Variants in ACAN observed in about 807,000 individuals in gnomAD.
The protein encoded by ACAN is aggrecan, also known as aggrecan core protein.
In ACAN, 47 loss-of-function variants were observed where a neutral mutation model predicts 169.1. The observed-to-expected ratio is 0.28, with a 90% CI of 0.22 to 0.35. ACAN has a LOEUF of 0.35. Among genes scored for constraint, ACAN ranks in the 10% least tolerant of loss-of-function variants. The probability of loss-of-function intolerance (pLI) is 1.00; values close to 1 mark genes in which losing one functional copy is unlikely to be tolerated. For missense variants in ACAN, 2,716 were observed against 2,759.9 expected, an observed-to-expected ratio of 0.98 and a Z score of 0.36; for synonymous variants, 1,115 against 1,112.2, an observed-to-expected ratio of 1.00 and a Z score of -0.05.
chr15:88,837,920 T>A (rs1431308375), intron 2 of ACAN, among the ~76,000 whole-genome samples: 1 of 133,380 alleles, frequency 7.5e-6, no homozygotes, highest in East Asian at 2.0e-4. Context: ...GTTTTTTTTC[T>A]TTTTTTTTTT....
chr15:88,869,712 A>G lies in ACAN; in HGVS notation c.7060+1383A>G, dbSNP rs1897338229. Among the ~76,000 whole-genome samples the G allele has an allele frequency of 6.6e-6, 1 of 152,144 alleles. No individual in the cohort carries two copies. Among genetic ancestry groups the G allele is most frequent in the Admixed American group, 6.6e-5 (1 of 15,264 alleles). On this transcript the variant is annotated intron_variant, in intron 14 of 18. Coordinates refer to ENST00000560601, the MANE Select transcript of ACAN (RefSeq NM_001369268.1). The surrounding 1 kb of genome is among the most constrained non-coding windows in gnomAD (Gnocchi z 4.2). ...ACCCTGATGGGGCAGAGAGATGGTG[A>G]CAGAGCCACCCAGCTCGGCCCTGGG...
Position 88,868,453 on chromosome 15 carries a change from C to A in ACAN, c.7060+124C>A. On this transcript the variant is annotated intron_variant, in intron 14 of 18. Transcript: ENST00000560601. This position sits in a 1 kb window ranked among gnomAD's most constrained non-coding sequence, Gnocchi z 5.2. The stretch of plus-strand genomic sequence containing the variant: ...GGCCCCCGAGGTTCATCTGGAGAGC[C>A]ATTTCAGGGGCCACAACTGAAAATT... 3.5e-6 allele frequency: 2 copies of A among 578,872 alleles called. No individual in the cohort carries two copies. Among genetic ancestry groups the A allele is most frequent in the South Asian group, 2.1e-5 (1 of 46,952 alleles). 35.9% of individuals were successfully genotyped at this position (578,872 alleles called of 1,614,324 possible). A position where few individuals can be genotyped will look rare whatever the true frequency, so the allele number is the denominator to read the frequency against.
intron 1 of ACAN, among the ~76,000 whole-genome samples, chr15:88,804,410 G>C (rs1303247351): frequency 6.6e-6 from 1 of 152,200 alleles, no homozygotes; most frequent in East Asian, 1.9e-4. Flanking sequence ...CTGCCCAGGG[G>C]AGAGTGGCAG....
At chr15:88,848,274 A>G (rs1348836293) in intron 9 of ACAN, among the ~76,000 whole-genome samples, 2 of 152,190 alleles carry the variant, frequency 1.3e-5, no homozygotes, top group Non-Finnish European at 2.9e-5. Flanking sequence ...GCAGGGGAGC[A>G]TCAGTCCCTT....
In ACAN at chr15:88,871,449, C is replaced by G; in HGVS notation, c.7128C>G (p.Arg2376=). Residue 2376 remains arginine (R), a synonymous_variant, in exon 15 of 19, where the codon CGC becomes CGG. Transcript: ENST00000560601. This position sits in a 1 kb window ranked among gnomAD's most constrained non-coding sequence, Gnocchi z 7.8. ...QGHCYRHFPD[R]ETWVDAERRC... is the part of the protein sequence containing the mutation. ...ACTGTTACCGCCACTTCCCGGACCGCGAGACCTGGGTGGATGCTGAGCGCC... is the reference window on the plus strand; with the variant it reads ...ACTGTTACCGCCACTTCCCGGACCGGGAGACCTGGGTGGATGCTGAGCGCC... The G allele has an allele frequency of 6.2e-7, 1 of 1,613,954 alleles. No homozygotes were observed. The highest frequency in any genetic ancestry group is 8.5e-7 in the Non-Finnish European group (1 of 1,179,880).
At position 88,807,736 on chromosome 15, in the gene ACAN, A is replaced by T. The variant is rs7176941; in HGVS notation, c.-8+3927A>T. ...ACTTTTAAAAACTCAGAGCCTCCTT[A>T]TAAGTGGTGGAGTGTGTGTGTGTGT... On this transcript the variant is annotated intron_variant, in intron 1 of 18. Transcript: ENST00000560601. This position sits in a 1 kb window ranked among gnomAD's most constrained non-coding sequence, Gnocchi z 4.0. Among the ~76,000 whole-genome samples, 1 of 148,268 alleles carries T rather than the reference A, an allele frequency of 6.7e-6. No homozygotes were observed. The highest frequency in any genetic ancestry group is 1.5e-5 in the Non-Finnish European group (1 of 67,170).
Position 88,874,598 on chromosome 15 carries a change from A to T in ACAN, c.*117A>T. 1 of 998,028 alleles carries T rather than the reference A, an allele frequency of 1.0e-6. No homozygotes were observed. Among genetic ancestry groups the T allele is most frequent in the Admixed American group, 2.0e-5 (1 of 50,176 alleles). 61.8% of individuals were successfully genotyped at this position (998,028 alleles called of 1,614,324 possible). A position where few individuals can be genotyped will look rare whatever the true frequency, so the allele number is the denominator to read the frequency against. ...TTTTTGTCATATAAGGAATCCCATTAAAGAAGGAAAAAAATAAATCCCACA... is the reference window on the plus strand; with the variant it reads ...TTTTTGTCATATAAGGAATCCCATTTAAGAAGGAAAAAAATAAATCCCACA... On this transcript the variant is annotated 3_prime_UTR_variant, in exon 19 of 19. Coordinates refer to ENST00000560601, the MANE Select transcript of ACAN (RefSeq NM_001369268.1). The surrounding 1 kb of genome is among the most constrained non-coding windows in gnomAD (Gnocchi z 7.3).
chr15:88,823,824 C>T (rs1444340844), intron 1 of ACAN, among the ~76,000 whole-genome samples: 2 of 152,162 alleles, frequency 1.3e-5, no homozygotes, highest in Non-Finnish European at 2.9e-5. Context: ...GCTTGGTGGC[C>T]CAGGCCCATC....
Position 88,874,651 on chromosome 15 carries a change from A to G in ACAN, c.*170A>G, listed in dbSNP as rs894464928. ...TGTGTATGCACCCACTCACCCCTCCAAATCAGCAAAACCGCATCTAATTTG... is the reference window on the plus strand; with the variant it reads ...TGTGTATGCACCCACTCACCCCTCCGAATCAGCAAAACCGCATCTAATTTG... On this transcript the variant is annotated 3_prime_UTR_variant, in exon 19 of 19. Coordinates refer to ENST00000560601, the MANE Select transcript of ACAN (RefSeq NM_001369268.1). This position sits in a 1 kb window ranked among gnomAD's most constrained non-coding sequence, Gnocchi z 7.3. 5.6e-6 allele frequency: 4 copies of G among 717,540 alleles called. No individual in the cohort carries two copies. Among genetic ancestry groups the G allele is most frequent in the Admixed American group, 2.0e-5 (1 of 49,252 alleles). The allele number at this position is 717,540 out of a possible 1,614,324, so 44.4% of individuals were successfully genotyped here.
At position 88,855,342 on chromosome 15, in the gene ACAN, C is replaced by G; in HGVS notation, c.2757C>G (p.Pro919=). 1 of 1,612,724 alleles carries G rather than the reference C, an allele frequency of 6.2e-7. No individual in the cohort carries two copies. The highest frequency in any genetic ancestry group is 1.1e-5 in the South Asian group (1 of 91,072). The change falls in exon 12 of 19, where the codon CCC becomes CCG. Residue 919 remains proline, a synonymous_variant. Transcript: ENST00000560601. ...GSGLPVESGL[P]SGDEERIEWP... ...GCCTGCCTGTGGAAAGTGGACTACC[C>G]TCAGGGGATGAAGAGAGAATTGAGT...
chr15:88,840,937 G>C (rs1000487368), intron 4 of ACAN, among the ~76,000 whole-genome samples: 19 of 152,194 alleles, frequency 1.2e-4, no homozygotes, highest in African/African-American at 4.6e-4. Context: ...GAAGTCAGGA[G>C]ATCGAGACCA....
In ACAN at chr15:88,866,818, A is replaced by C. The variant is rs1173718265; in HGVS notation, c.6947-1398A>C. Among the ~76,000 whole-genome samples, 1 of 152,164 alleles carries C rather than the reference A, an allele frequency of 6.6e-6. No homozygotes were observed. Among genetic ancestry groups the C allele is most frequent in the African/African-American group, 2.4e-5 (1 of 41,426 alleles). On this transcript the variant is annotated intron_variant, in intron 13 of 18. Transcript: ENST00000560601. This position sits in a 1 kb window ranked among gnomAD's most constrained non-coding sequence, Gnocchi z 5.6. ...CTGGTCTGCTCTTATGGGAGGCAAG[A>C]ACTAAGTCTTGGCACATGTTTAGGA...
At chr15:88,833,030 G>A (rs1896403746) in intron 1 of ACAN, among the ~76,000 whole-genome samples, 1 of 152,218 alleles carries the variant, frequency 6.6e-6, no homozygotes, top group South Asian at 2.1e-4. Flanking sequence ...CCACGTCGAG[G>A]AGGGGTCTCC....
At chr15:88,867,645 G>A (rs1033131207) in intron 13 of ACAN, among the ~76,000 whole-genome samples, 2 of 152,016 alleles carry the variant, frequency 1.3e-5, no homozygotes, top group South Asian at 2.1e-4. Flanking sequence ...TGGGTCTCAC[G>A]CAAACATCCC....
Position 88,857,776 on chromosome 15 carries a change from G to A in ACAN, c.5191G>A (p.Gly1731Arg). 4 of 1,613,940 alleles carry A rather than the reference G, an allele frequency of 2.5e-6. No individual in the cohort carries two copies. Among genetic ancestry groups the A allele is most frequent in the Non-Finnish European group, 3.4e-6 (4 of 1,179,892 alleles). ...TCCTGATGTCAGTGGGGAAATACCT[G>A]GACTCTTTGGTGTCAGTGGACAGCC... ...GSPDVSGEIP[G>R]LFGVSGQPSG... The change falls in exon 12 of 19, where the codon GGA becomes AGA. Residue 1731 changes from glycine to arginine, a missense_variant. Around this residue, in one of 3 missense-constraint regions of ACAN, gnomAD observed 1,389 missense variants for 1,363.7 expected, o/e 1.02. Transcript: ENST00000560601.
Position 88,860,529 on chromosome 15 carries a change from A to G in ACAN, c.6946+90A>G, listed in dbSNP as rs75571202. 12,582 of 1,049,590 alleles carry G rather than the reference A, an allele frequency of 0.012. 977 individuals carry two copies. The African/African-American group carries it at 0.17, about 14-fold the overall frequency. 65.0% of individuals were successfully genotyped at this position (1,049,590 alleles called of 1,614,324 possible). A position where few individuals can be genotyped will look rare whatever the true frequency, so the allele number is the denominator to read the frequency against. On this transcript the variant is annotated intron_variant, in intron 13 of 18. Transcript: ENST00000560601. Reference sequence around the variant, plus strand: ...AAGGGTCCCCAGGTGGGAGGAGGCAACCAAGGTCCACTGAGGCTCAGGCTG... The same window carrying G: ...AAGGGTCCCCAGGTGGGAGGAGGCAGCCAAGGTCCACTGAGGCTCAGGCTG...
Position 88,818,124 on chromosome 15 carries a change from C to T in ACAN, c.-8+14315C>T, listed in dbSNP as rs920579564. Among the ~76,000 whole-genome samples the T allele has an allele frequency of 6.4e-4, 98 of 152,184 alleles. 1 individual carries two copies. The highest frequency in any genetic ancestry group is 1.2e-4 in the Non-Finnish European group (8 of 68,034). On this transcript the variant is annotated intron_variant, in intron 1 of 18. Transcript: ENST00000560601. Reference sequence around the variant, plus strand: ...TTGACTATTCTATGTGCCAGGCTCTCTACCAGAGACAGGAAGGGATAGAAA... The same window carrying T: ...TTGACTATTCTATGTGCCAGGCTCTTTACCAGAGACAGGAAGGGATAGAAA...
In ACAN at chr15:88,859,235, T is replaced by C. The variant is rs2141613451; in HGVS notation, c.6650T>C (p.Ile2217Thr). ...CTGGGCGTTGTCATCAGCACCAGCA[T>C]CCCAGAGTCTGAGTGGACCCAGCAG... The part of the protein sequence containing the change: ...SQLGVVISTS[I>T]PESEWTQQTQ... Residue 2217 changes from isoleucine (I) to threonine (T), a missense_variant, in exon 12 of 19, where the codon ATC becomes ACC. Ile to Thr is a moderately conservative substitution (Grantham distance 89, BLOSUM62 -1). Around this residue, in one of 3 missense-constraint regions of ACAN, gnomAD observed 1,389 missense variants for 1,363.7 expected, o/e 1.02. Coordinates refer to ENST00000560601, the MANE Select transcript of ACAN (RefSeq NM_001369268.1). 1 of 1,613,884 alleles carries C rather than the reference T, an allele frequency of 6.2e-7. No homozygotes were observed. Among genetic ancestry groups the C allele is most frequent in the East Asian group, 2.2e-5 (1 of 44,878 alleles).
rs556562815 is a variant in ACAN at position 88,807,235 on chromosome 15, G to A, written c.-8+3426G>A. 6.6e-6 allele frequency among the ~76,000 whole-genome samples: 1 copy of A among 152,132 alleles called. No individual in the cohort carries two copies. Among genetic ancestry groups the A allele is most frequent in the Non-Finnish European group, 1.5e-5 (1 of 68,020 alleles). ...GACCCAGAGTCAGAGAGGAAGCAGG[G>A]CATGGAGGAAGGTCTGCTTATAAGT... is the stretch of plus-strand genomic sequence containing the variant. On this transcript the variant is annotated intron_variant, in intron 1 of 18. Coordinates refer to ENST00000560601, the MANE Select transcript of ACAN (RefSeq NM_001369268.1). The surrounding 1 kb of genome is among the most constrained non-coding windows in gnomAD (Gnocchi z 4.0).
Sources: gnomAD v4.1 joint callset for allele counts (sites outside exome capture counted in the v4.1 genomes callset) on GRCh38, gnomAD v4.1.1 for gene constraint, gnomAD v4.1.1 regional missense constraint, Gnocchi (gnomAD v3.1) non-coding constraint, MANE v1.5 for transcripts, NCBI Gene and HGNC (gene_info 2026-07-23, HGNC 2026-07-21) for gene names.